The following TAF1C variants were observed in gnomAD, a reference collection of about 807,000 sequenced individuals.
The protein encoded by TAF1C is TATA-box binding protein associated factor, RNA polymerase I subunit C, also known as TATA box-binding protein-associated factor RNA polymerase I subunit C.
A neutral mutation model predicts 70.5 loss-of-function variants in TAF1C; 79 were observed. That is an observed-to-expected ratio of 1.12 (90% CI 0.93 to 1.35). TAF1C has a LOEUF of 1.35. Ranked by LOEUF, TAF1C falls within the 40% of genes most tolerant of loss-of-function variation. TAF1C has a pLI of 0.00. For missense variants in TAF1C, 1,412 were observed against 1,127.8 expected, an observed-to-expected ratio of 1.25 and a Z score of -3.61; for synonymous variants, 614 against 491.1, an observed-to-expected ratio of 1.25 and a Z score of -3.31.
intron 10 of TAF1C, 35 bp downstream of exon 10, chr16:84,181,557 G>C (rs371798100): frequency 3.7e-6 from 6 of 1,613,920 alleles, no homozygotes; most frequent in Middle Eastern, 1.6e-4. Context: ...AGTTCAGTTC[G>C]TTAGGGTGGG....
intron 1 of TAF1C, among the ~76,000 whole-genome samples, chr16:84,186,461 GA>G (rs2089494814): frequency 6.6e-6 from 1 of 152,182 alleles, no homozygotes; most frequent in Non-Finnish European, 1.5e-5. Flanking sequence ...GGCTGGGCAC[GA>G]AAATCGCTTG....
rs758572824 is a variant in TAF1C at position 84,183,494 on chromosome 16, A to C, written c.234T>G (p.Pro78=). 1 of 1,610,426 alleles carries C rather than the reference A, an allele frequency of 6.2e-7. No individual in the cohort carries two copies. The part of the protein sequence containing the change: ...MLPPLIDPWD[P]GLTARDLLFR... The stretch of plus-strand genomic sequence containing the variant: ...AAAGCAGGTCCCGGGCAGTCAGGCC[A>C]GGGTCCCAGGGATCTGAGAAGGAGG... The change falls in exon 4 of 15, where the codon CCT becomes CCG. Residue 78 remains proline, a synonymous_variant. Transcript: ENST00000566732.
Position 84,184,916 on chromosome 16 carries a change from GGTCAGGGACGTC to G in TAF1C, c.61_72del (p.Asp21_Asp24del). On this transcript the variant is annotated inframe_deletion, in exon 2 of 15. Transcript: ENST00000566732. ...TCTCGCCAGCTGCACATGAAAGAGA[GGTCAGGGACGTC>G]GCTCAGACCAAGGGGGCCGGTCAGA... is the stretch of plus-strand genomic sequence containing the variant. The G allele has an allele frequency of 6.2e-7, 1 of 1,613,688 alleles. No homozygotes were observed. The highest frequency in any genetic ancestry group is 8.5e-7 in the Non-Finnish European group (1 of 1,179,848).
At chr16:84,184,741 C>T (rs961615192) in intron 2 of TAF1C, 110 bp downstream of exon 2, 10 of 1,367,058 alleles carry the variant, frequency 7.3e-6, no homozygotes, top group Admixed American at 4.8e-5. Flanking sequence ...TCAGCAGACT[C>T]GTGTGAATGC....
chr16:84,185,033 T>G lies in TAF1C; in HGVS notation c.-45A>C. ...CACCACACTGGCCACCTCGAGAGAC[T>G]GGAAGCTGGTAAGGGGCGCCAGAGT... On this transcript the variant is annotated 5_prime_UTR_variant, in exon 2 of 15. Transcript: ENST00000566732. The G allele has an allele frequency of 6.3e-7, 1 of 1,593,132 alleles. No homozygotes were observed. Among genetic ancestry groups the G allele is most frequent in the East Asian group, 2.3e-5 (1 of 44,340 alleles).
Position 84,177,957 on chromosome 16 carries a change from T to G in TAF1C, c.*984A>C, listed in dbSNP as rs1008978514. 8.9e-5 allele frequency: 77 copies of G among 867,020 alleles called. 1 individual carries two copies. In the South Asian group the frequency reaches 9.3e-4, roughly 11 times the overall value. 53.7% of individuals were successfully genotyped at this position (867,020 alleles called of 1,614,324 possible). On this transcript the variant is annotated 3_prime_UTR_variant, in exon 15 of 15. Coordinates refer to ENST00000566732, the MANE Select transcript of TAF1C (RefSeq NM_001243156.2). The stretch of plus-strand genomic sequence containing the variant: ...ATGATTGGGCTAGCTCCTGTTTGTG[T>G]GAGTCACATGCAATTCCTTTCACCA...
At chr16:84,183,017 C>A in intron 6 of TAF1C, 59 bp downstream of exon 6, 1 of 1,578,758 alleles carries the variant, frequency 6.3e-7, no homozygotes, top group South Asian at 1.1e-5. Flanking sequence ...CCTAGCACCT[C>A]CTACATCCCC....
chr16:84,180,572 A>G, intron 12 of TAF1C: 2 of 598,146 alleles, frequency 3.3e-6, no homozygotes, highest in Non-Finnish European at 5.5e-6. Flanking sequence ...ACAAGTGGGA[A>G]AGGGGTGCTC....
chr16:84,178,347 G>A lies in TAF1C; in HGVS notation c.*594C>T, dbSNP rs962227892. The A allele has an allele frequency of 6.6e-6, 3 of 456,732 alleles. No individual in the cohort carries two copies. Among genetic ancestry groups the A allele is most frequent in the Non-Finnish European group, 1.3e-5 (3 of 227,168 alleles). The allele number at this position is 456,732 out of a possible 1,614,324, so 28.3% of individuals were successfully genotyped here. A position where few individuals can be genotyped will look rare whatever the true frequency, so the allele number is the denominator to read the frequency against. On this transcript the variant is annotated 3_prime_UTR_variant, in exon 15 of 15. Transcript: ENST00000566732. ...TGTCAGGTAGTAGCTGTGGCGGGAC[G>A]CTGTCCAGCCTAAAAAACGTGACCA...
At chr16:84,180,819 A>G in intron 12 of TAF1C, 1 of 1,350,252 alleles carries the variant, frequency 7.4e-7, no homozygotes, top group African/African-American at 1.5e-5. Flanking sequence ...CCCTGGCTGC[A>G]CCTCGAAGCT....
At chr16:84,180,576 G>T (rs2089106324) in intron 12 of TAF1C, 1 of 597,120 alleles carries the variant, frequency 1.7e-6, no homozygotes, top group South Asian at 2.4e-5. Flanking sequence ...GTGGGAAAGG[G>T]GTGCTCAGAA....
chr16:84,179,569 CGGTGGGTGAA>C lies in TAF1C; in HGVS notation c.1894_1903del (p.Phe632AlafsTer53), dbSNP rs752468300. ...CAGCTCTGTGCTGCCCAGCATCTGG[CGGTGGGTGAA>C]GGTGGGTGCTGTCCACACAGGAGGA... On this transcript the variant is annotated frameshift_variant, in exon 15 of 15. Coordinates refer to ENST00000566732, the MANE Select transcript of TAF1C (RefSeq NM_001243156.2). LOFTEE classifies it low-confidence loss of function (END_TRUNC). 6.2e-7 allele frequency: 1 copy of C among 1,612,546 alleles called. No homozygotes were observed. The highest frequency in any genetic ancestry group is 8.5e-7 in the Non-Finnish European group (1 of 1,179,864).
In TAF1C at chr16:84,183,769, G is replaced by C. The variant is rs773551538; in HGVS notation, c.148C>G (p.Leu50Val). The change falls in exon 3 of 15, where the codon CTG becomes GTG. Residue 50 changes from leucine to valine, a missense_variant. Leu to Val is a conservative substitution (Grantham distance 32). Coordinates refer to ENST00000566732, the MANE Select transcript of TAF1C (RefSeq NM_001243156.2). ...CACAGCAGGTCCTTGGTCACATGCA[G>C]TGCCCCATTCTGAAGGGAGGACAAT... is the stretch of plus-strand genomic sequence containing the variant. ...AQPQNSENGA[L>V]HVTKDLLWEP... The C allele has an allele frequency of 5.6e-6, 9 of 1,611,644 alleles. No homozygotes were observed. In the South Asian group the frequency reaches 9.9e-5, roughly 18 times the overall value.
intron 2 of TAF1C, 79 bp downstream of exon 2, chr16:84,184,772 A>G: frequency 6.7e-7 from 1 of 1,495,202 alleles, no homozygotes; most frequent in African/African-American, 1.4e-5. Context: ...TGGCCTTGTC[A>G]ACTGATGTGA....
In TAF1C at chr16:84,178,004, TCTCTTA is replaced by T. The variant is rs1314668120; in HGVS notation, c.*931_*936del. 1.6e-5 allele frequency: 11 copies of T among 674,732 alleles called. No individual in the cohort carries two copies. The highest frequency in any genetic ancestry group is 4.2e-5 in the Admixed American group (2 of 48,132). 41.8% of individuals were successfully genotyped at this position (674,732 alleles called of 1,614,324 possible). On this transcript the variant is annotated 3_prime_UTR_variant, in exon 15 of 15. Coordinates refer to ENST00000566732, the MANE Select transcript of TAF1C (RefSeq NM_001243156.2). The stretch of plus-strand genomic sequence containing the variant: ...ACCAGCCAACCTGAAAAAAGACCTT[TCTCTTA>T]CTATGTCATCAGAAACCAGACAGAC...
In TAF1C at chr16:84,178,220, CG is replaced by C. The variant is rs1413347699; in HGVS notation, c.*720del. On this transcript the variant is annotated 3_prime_UTR_variant, in exon 15 of 15. Coordinates refer to ENST00000566732, the MANE Select transcript of TAF1C (RefSeq NM_001243156.2). Reference sequence around the variant, plus strand: ...GAGAATTCCCCCAAACTGACATGACCGTGACCCTCTGCTCAGAGGGCACTAT... The same window carrying C: ...GAGAATTCCCCCAAACTGACATGACCTGACCCTCTGCTCAGAGGGCACTAT... The C allele has an allele frequency of 4.9e-6, 2 of 409,072 alleles. No homozygotes were observed. The highest frequency in any genetic ancestry group is 9.9e-6 in the Non-Finnish European group (2 of 202,764). The allele number at this position is 409,072 out of a possible 1,614,324, so 25.3% of individuals were successfully genotyped here. A position where few individuals can be genotyped will look rare whatever the true frequency, so the allele number is the denominator to read the frequency against.
rs745797416 is a variant in TAF1C, at chr16:84,179,861, G to C, written c.1622-10C>G. On this transcript the variant is annotated splice_polypyrimidine_tract_variant and intron_variant, in intron 14 of 14. Transcript: ENST00000566732. ...ACGACGGCAGCCAGACCTGGTGACGGGAATGACAATGACCTCCAGGGCCTA... is the reference window on the plus strand; with the variant it reads ...ACGACGGCAGCCAGACCTGGTGACGCGAATGACAATGACCTCCAGGGCCTA... The C allele has an allele frequency of 1.9e-6, 3 of 1,607,502 alleles. 1 individual carries two copies. In the African/African-American group the frequency reaches 4.0e-5, roughly 21 times the overall value.
In TAF1C at chr16:84,179,371, C is replaced by A; in HGVS notation, c.2102G>T (p.Gly701Val). The change falls in exon 15 of 15, where the codon GGC (glycine) becomes GTC (valine). Residue 701 changes from glycine (G) to valine (V), a missense_variant. By Grantham distance (109) the Gly-to-Val change is moderately radical (BLOSUM62 -3). Coordinates refer to ENST00000566732, the MANE Select transcript of TAF1C (RefSeq NM_001243156.2). ...LSERLGEAWA[G>V]RGAAWWERQQ... Reference sequence around the variant, plus strand: ...CCTCTCCCACCAGGCAGCCCCTCGGCCTGCCCAGGCTTCCCCCAGGCGCTC... The same window carrying A: ...CCTCTCCCACCAGGCAGCCCCTCGGACTGCCCAGGCTTCCCCCAGGCGCTC... 6.3e-7 allele frequency: 1 copy of A among 1,599,966 alleles called. No homozygotes were observed. Among genetic ancestry groups the A allele is most frequent in the Admixed American group, 1.7e-5 (1 of 59,952 alleles).
At chr16:84,185,584 C>T (rs1211570440) in intron 1 of TAF1C, 1 of 152,378 alleles carries the variant, frequency 6.6e-6, no homozygotes, top group Non-Finnish European at 1.5e-5. Flanking sequence ...AGAAAATGCA[C>T]TAGGGGTTGA....
Sources: allele counts gnomAD v4.1 joint callset (sites outside exome capture counted in the v4.1 genomes callset), GRCh38; gene constraint gnomAD v4.1.1; transcripts MANE v1.5; gene names NCBI Gene and HGNC (gene_info 2026-07-23, HGNC 2026-07-21).